The following VAV2 variants were observed in gnomAD, a reference collection of about 807,000 sequenced individuals.
VAV2 encodes the protein guanine nucleotide exchange factor VAV2.
A neutral mutation model predicts 132.5 loss-of-function variants in VAV2; 67 were observed. The ratio of observed to expected loss-of-function variants is 0.51; its 90% CI spans 0.42 to 0.62. The LOEUF (loss-of-function observed/expected upper bound fraction) is 0.62. VAV2 is among the 20% of genes least tolerant of loss of function. VAV2 has a pLI of 0.00. For synonymous variants in VAV2, 492 were observed against 443.5 expected (o/e 1.11, Z -1.37); for missense variants, 938 against 1,153.6 (o/e 0.81, Z 2.71).
intron 2 of VAV2, among the ~76,000 whole-genome samples, chr9:133,905,061 G>A (rs549758969): frequency 2.0e-4 from 31 of 152,186 alleles, no homozygotes; most frequent in Admixed American, 1.2e-3. Flanking sequence ...CTCCCAGGGC[G>A]GGGGGCTCTG....
intron 2 of VAV2, among the ~76,000 whole-genome samples, chr9:133,904,705 G>A (rs889316532): frequency 1.6e-4 from 25 of 152,240 alleles, no homozygotes; most frequent in African/African-American, 4.8e-4. Flanking sequence ...CCAGGGCTCC[G>A]TCCTCCCCGC....
At chr9:133,931,572 G>A (rs1840689996) in intron 2 of VAV2, among the ~76,000 whole-genome samples, 1 of 152,080 alleles carries the variant, frequency 6.6e-6, no homozygotes, top group Non-Finnish European at 1.5e-5. Context: ...TTTGTCCCCT[G>A]ACCTAGGGTG....
chr9:133,873,301 C>T (rs1383896711), intron 2 of VAV2, among the ~76,000 whole-genome samples: 1 of 152,268 alleles, frequency 6.6e-6, no homozygotes, highest in South Asian at 2.1e-4. Context: ...AAGCCTGCCA[C>T]GGACGATCTC....
At chr9:133,905,640 A>G (rs941132345) in intron 2 of VAV2, among the ~76,000 whole-genome samples, 2 of 152,010 alleles carry the variant, frequency 1.3e-5, no homozygotes, top group African/African-American at 4.8e-5. Flanking sequence ...GAAGACCCTC[A>G]GGGCCCTGTG....
chr9:133,784,553 C>A, intron 17 of VAV2, 135 bp from the exon 18 acceptor site: 2 of 909,054 alleles, frequency 2.2e-6, no homozygotes, highest in East Asian at 2.4e-5. Flanking sequence ...CCAAGCCTGG[C>A]TCTGCCCGCA....
rs1334367652 is a variant in VAV2 at position 133,763,843 on chromosome 9, C to T, written c.*219G>A. 2.2e-5 allele frequency: 13 copies of T among 583,872 alleles called. No individual in the cohort carries two copies. The highest frequency in any genetic ancestry group is 3.9e-5 in the Non-Finnish European group (13 of 330,702). The allele number at this position is 583,872 out of a possible 1,614,324, so 36.2% of individuals were successfully genotyped here. The stretch of plus-strand genomic sequence containing the variant: ...TCTGGGTGGGGCTAGCCCAGGTTTC[C>T]TCTATGTACAATAGCATACCCAGTG... On this transcript the variant is annotated 3_prime_UTR_variant, in exon 30 of 30. Transcript: ENST00000371850. This position sits in a 1 kb window ranked among gnomAD's most constrained non-coding sequence, Gnocchi z 6.8.
chr9:133,991,230 C>T lies in VAV2; in HGVS notation c.204+845G>A, dbSNP rs1843004895. On this transcript the variant is annotated intron_variant, in intron 1 of 29. Transcript: ENST00000371850. This position sits in a 1 kb window ranked among gnomAD's most constrained non-coding sequence, Gnocchi z 4.8. ...TAAGCTGCTCCCGGTAAGGATTCCG[C>T]GACCCCCGGAGAACAGGACGGAAGC... 6.6e-6 allele frequency among the ~76,000 whole-genome samples: 1 copy of T among 152,198 alleles called. No individual in the cohort carries two copies. The highest frequency in any genetic ancestry group is 1.5e-5 in the Non-Finnish European group (1 of 68,032).
intron 1 of VAV2, among the ~76,000 whole-genome samples, chr9:133,940,604 G>A (rs1459090461): frequency 6.6e-6 from 1 of 152,088 alleles, no homozygotes; most frequent in African/African-American, 2.4e-5. Flanking sequence ...CATCCTGGCA[G>A]GGGTCGGCTG....
chr9:133,923,685 T>G (rs1840373624), intron 2 of VAV2, among the ~76,000 whole-genome samples: 2 of 152,182 alleles, frequency 1.3e-5, no homozygotes, highest in South Asian at 4.1e-4. Flanking sequence ...TAAAGACACA[T>G]GCACATGTAT....
At position 133,794,321 on chromosome 9, in the gene VAV2, A is replaced by C. The variant is rs1018421038; in HGVS notation, c.1101+1347T>G. 8.6e-5 allele frequency among the ~76,000 whole-genome samples: 13 copies of C among 151,992 alleles called. No individual in the cohort carries two copies. The highest frequency in any genetic ancestry group is 7.2e-4 in the Admixed American group (11 of 15,254). ...TCATGGCAGGAGGCTTTCCTGGAGCATTCCTCAGGGTGCTCGCTGCCCAGT... is the reference window on the plus strand; with the variant it reads ...TCATGGCAGGAGGCTTTCCTGGAGCCTTCCTCAGGGTGCTCGCTGCCCAGT... On this transcript the variant is annotated intron_variant, in intron 12 of 29. Coordinates refer to ENST00000371850, the MANE Select transcript of VAV2 (RefSeq NM_001134398.2). The surrounding 1 kb of genome is among the most constrained non-coding windows in gnomAD (Gnocchi z 4.6).
At chr9:133,966,534 C>T (rs1040041136) in intron 1 of VAV2, among the ~76,000 whole-genome samples, 2 of 152,090 alleles carry the variant, frequency 1.3e-5, no homozygotes, top group African/African-American at 2.4e-5. Flanking sequence ...GGCGAGACCC[C>T]GTCTCTACAA....
chr9:133,861,392 G>A lies in VAV2; in HGVS notation c.362C>T (p.Ala121Val), dbSNP rs564658959. The change falls in exon 3 of 30, where the codon GCG becomes GTG. Residue 121 changes from alanine to valine, a missense_variant. Ala to Val is a moderately conservative substitution (Grantham distance 64, BLOSUM62 0). Coordinates refer to ENST00000371850, the MANE Select transcript of VAV2 (RefSeq NM_001134398.2). ...AVSRLSLHSIAQNKGIRPFPS... is the reference protein window; with the variant it reads ...AVSRLSLHSIVQNKGIRPFPS... ...AGCTCACCTGATCCCTTTGTTCTGC[G>A]CGATGCTGTGCAGGGAGAGCCTCGA... 3.7e-5 allele frequency: 60 copies of A among 1,613,386 alleles called. 1 individual carries two copies. Among genetic ancestry groups the A allele is most frequent in the South Asian group, 3.5e-4 (32 of 90,934 alleles).
chr9:133,931,329 G>A (rs1029044601), intron 2 of VAV2, among the ~76,000 whole-genome samples: 9 of 152,190 alleles, frequency 5.9e-5, no homozygotes, highest in African/African-American at 1.9e-4. Flanking sequence ...CCACAGCAGC[G>A]AGGGGGAGCA....
intron 1 of VAV2, among the ~76,000 whole-genome samples, chr9:133,940,833 T>C (rs1841119468): frequency 6.6e-6 from 1 of 151,798 alleles, no homozygotes. Flanking sequence ...AACCAGGAAA[T>C]TAACATGGAC....
chr9:133,932,498 T>C (rs1054867836), intron 2 of VAV2, among the ~76,000 whole-genome samples: 1 of 152,182 alleles, frequency 6.6e-6, no homozygotes, highest in South Asian at 2.1e-4. Context: ...ATAAACCTTC[T>C]GGATCCTTTA....
chr9:133,934,594 C>T (rs1027173873), intron 2 of VAV2, among the ~76,000 whole-genome samples: 4 of 152,202 alleles, frequency 2.6e-5, no homozygotes, highest in African/African-American at 4.8e-5. Flanking sequence ...GGTCTCCTGC[C>T]CCCAGACATC....
chr9:133,855,859 C>A (rs759043764), intron 3 of VAV2, among the ~76,000 whole-genome samples: 2 of 152,238 alleles, frequency 1.3e-5, no homozygotes, highest in Non-Finnish European at 2.9e-5. Flanking sequence ...TGCCTTGCAG[C>A]CGTCACAGCA....
At chr9:133,846,009 C>T (rs1836919512) in intron 3 of VAV2, among the ~76,000 whole-genome samples, 1 of 152,224 alleles carries the variant, frequency 6.6e-6, no homozygotes, top group South Asian at 2.1e-4. Flanking sequence ...GCTGAAAGGG[C>T]ACAGTGGGGC....
chr9:133,940,436 C>T (rs2810532), intron 1 of VAV2, among the ~76,000 whole-genome samples: 2 of 151,978 alleles, frequency 1.3e-5, no homozygotes, highest in Non-Finnish European at 1.5e-5. Context: ...ACATAGTGCA[C>T]GTCAGAATCA....
Sources: gnomAD v4.1 joint callset for allele counts (sites outside exome capture counted in the v4.1 genomes callset) on GRCh38, gnomAD v4.1.1 for gene constraint, Gnocchi (gnomAD v3.1) non-coding constraint, MANE v1.5 for transcripts, NCBI Gene and HGNC (gene_info 2026-07-23, HGNC 2026-07-21) for gene names.